NLGN1: variants seen among roughly 807,000 people sequenced by gnomAD.
The protein encoded by NLGN1 is neuroligin-1.
In NLGN1, 12 loss-of-function variants were observed where a neutral mutation model predicts 65.5. The observed-to-expected ratio is 0.18, with a 90% CI of 0.12 to 0.30. The LOEUF (loss-of-function observed/expected upper bound fraction) is 0.30. Ranked by LOEUF, NLGN1 falls within the 10% of genes least tolerant of loss-of-function variation. NLGN1 has a pLI of 1.00. For missense variants in NLGN1, 750 were observed against 1,007.1 expected (o/e 0.74, Z 3.46); for synonymous variants, 350 against 359.5 (o/e 0.97, Z 0.30).
rs1450679006 is a variant in NLGN1, at chr3:174,273,660, T to A, written c.647-1655T>A. 2.0e-5 allele frequency among the ~76,000 whole-genome samples: 3 copies of A among 151,786 alleles called. No individual in the cohort carries two copies. The South Asian group carries it at 6.2e-4, about 31-fold the overall frequency. ...GTATGACCAGAAAAATTTGTTTATT[T>A]GAACTGTATTTTTTACAACTTTAGT... On this transcript the variant is annotated intron_variant, in intron 4 of 6. Transcript: ENST00000457714.
intron 4 of NLGN1, among the ~76,000 whole-genome samples, chr3:173,986,475 A>G (rs1210214824): frequency 2.0e-5 from 3 of 152,186 alleles, no homozygotes; most frequent in African/African-American, 7.2e-5. Flanking sequence ...TCTCAAAAAA[A>G]TAGTAAATAA....
chr3:174,231,164 GT>G (rs1216445395), intron 4 of NLGN1, among the ~76,000 whole-genome samples: 1 of 151,696 alleles, frequency 6.6e-6, no homozygotes, highest in Non-Finnish European at 1.5e-5. Flanking sequence ...AATTTTCTCA[GT>G]TATAATTTTT....
chr3:173,686,686 G>A (rs998565680), intron 3 of NLGN1, among the ~76,000 whole-genome samples: 1 of 152,126 alleles, frequency 6.6e-6, no homozygotes, highest in Non-Finnish European at 1.5e-5. Flanking sequence ...TGGGTGCAGT[G>A]GCTCACACCT....
intron 1 of NLGN1, among the ~76,000 whole-genome samples, chr3:173,407,570 A>G (rs1711537262): frequency 6.6e-6 from 1 of 152,236 alleles, no homozygotes; most frequent in Non-Finnish European, 1.5e-5. Context: ...ACTGATAAAA[A>G]AGGGGAGTCA....
At chr3:173,769,748 C>A (rs1779311549) in intron 3 of NLGN1, among the ~76,000 whole-genome samples, 1 of 152,174 alleles carries the variant, frequency 6.6e-6, no homozygotes, top group Non-Finnish European at 1.5e-5. Context: ...ATCTACTTAA[C>A]AACTTTCTGA....
intron 3 of NLGN1, among the ~76,000 whole-genome samples, chr3:173,799,277 A>C (rs1405300918): frequency 6.6e-6 from 1 of 151,934 alleles, no homozygotes; most frequent in Non-Finnish European, 1.5e-5. Flanking sequence ...TGTGGAAACA[A>C]AAAAAGAATG....
At chr3:174,116,680 G>A (rs991473392) in intron 4 of NLGN1, among the ~76,000 whole-genome samples, 3 of 151,918 alleles carry the variant, frequency 2.0e-5, no homozygotes, top group Non-Finnish European at 2.9e-5. Flanking sequence ...GATAGCATTT[G>A]GAAACTGTAT....
chr3:174,292,531 A>G, the NLGN1 span, among the ~76,000 whole-genome samples: 1 of 151,386 alleles, frequency 6.6e-6, no homozygotes, highest in African/African-American at 2.4e-5. Context: ...GAAAACATCT[A>G]CCACTTATGG....
chr3:174,198,831 T>C (rs1173422699), intron 4 of NLGN1, among the ~76,000 whole-genome samples: 1 of 148,314 alleles, frequency 6.7e-6, no homozygotes, highest in Non-Finnish European at 1.5e-5. Context: ...TGATCTGGCC[T>C]CATGACTAGA....
chr3:174,150,498 CTA>C (rs1250907695), intron 4 of NLGN1, among the ~76,000 whole-genome samples: 2 of 152,082 alleles, frequency 1.3e-5, no homozygotes, highest in African/African-American at 4.8e-5. Flanking sequence ...CAAATGAATC[CTA>C]TAGAGTAAAA....
chr3:173,726,506 T>C (rs189537444), intron 3 of NLGN1, among the ~76,000 whole-genome samples: 145 of 152,152 alleles, frequency 9.5e-4, no homozygotes, highest in Middle Eastern at 3.4e-3. Flanking sequence ...TAAAGTGTTA[T>C]AAAACATGAC....
At chr3:173,649,299 T>C (rs1317457158) in intron 3 of NLGN1, among the ~76,000 whole-genome samples, 2 of 152,068 alleles carry the variant, frequency 1.3e-5, no homozygotes, top group Non-Finnish European at 2.9e-5. Flanking sequence ...TAGATAAGGA[T>C]ACAATCTTGA....
In NLGN1 at chr3:173,418,031, CTTTCTT is replaced by C. The variant is rs918556935; in HGVS notation, c.-389-16975_-389-16970del. ...GTAGCTCCTTTTATTCATCCATTCTCTTTCTTTTTATTTGTTTATGTGTGTGTGCAT... is the reference window on the plus strand; with the variant it reads ...GTAGCTCCTTTTATTCATCCATTCTCTTTATTTGTTTATGTGTGTGTGCAT... On this transcript the variant is annotated intron_variant, in intron 1 of 6. Transcript: ENST00000457714. 3.3e-4 allele frequency among the ~76,000 whole-genome samples: 50 copies of C among 151,420 alleles called. 1 individual carries two copies. Among genetic ancestry groups the C allele is most frequent in the South Asian group, 4.2e-4 (2 of 4,810 alleles).
intron 4 of NLGN1, among the ~76,000 whole-genome samples, chr3:173,988,222 C>T (rs559426684): frequency 2.2e-4 from 34 of 152,016 alleles, no homozygotes; most frequent in African/African-American, 8.0e-4. Flanking sequence ...ATCTAATAGC[C>T]CTAGTCAGGG....
In NLGN1 at chr3:174,027,422, G is replaced by C. The variant is rs114698557; in HGVS notation, c.646+219590G>C. Among the ~76,000 whole-genome samples the C allele has an allele frequency of 6.4e-3, 978 of 152,182 alleles. 5 individuals carry two copies. The highest frequency in any genetic ancestry group is 0.022 in the African/African-American group (925 of 41,522). On this transcript the variant is annotated intron_variant, in intron 4 of 6. Coordinates refer to ENST00000457714, the Ensembl canonical transcript of NLGN1. ...ACCACTACTTACCACCAAAACAAAA[G>C]ACTAGCAAGTAGGTTCAGGGGAAAG...
rs571388335 is a variant in NLGN1, at chr3:173,961,341, G to A, written c.646+153509G>A. 2.3e-4 allele frequency among the ~76,000 whole-genome samples: 35 copies of A among 152,090 alleles called. 1 individual carries two copies. Among genetic ancestry groups the A allele is most frequent in the Admixed American group, 5.9e-4 (9 of 15,282 alleles). On this transcript the variant is annotated intron_variant, in intron 4 of 6. Coordinates refer to ENST00000457714, the Ensembl canonical transcript of NLGN1. ...AATCAATACCCAGAACATACGCTGA[G>A]GACATCTAGCAGAGCTTGGTTTTGG...
At chr3:174,265,543 C>G (rs199994707) in intron 4 of NLGN1, among the ~76,000 whole-genome samples, 1 of 151,854 alleles carries the variant, frequency 6.6e-6, no homozygotes, top group Non-Finnish European at 1.5e-5. Flanking sequence ...TCGGCTCGCA[C>G]ACGGTGCGCG....
At chr3:174,127,619 A>G in intron 4 of NLGN1, among the ~76,000 whole-genome samples, 1 of 151,482 alleles carries the variant, frequency 6.6e-6, no homozygotes, top group East Asian at 1.9e-4. Context: ...TGCTGTAGAA[A>G]CTCCTCTCCT....
rs531391473 is a variant in NLGN1 at position 173,833,457 on chromosome 3, T to G, written c.646+25625T>G. 2.2e-4 allele frequency among the ~76,000 whole-genome samples: 33 copies of G among 152,044 alleles called. No homozygotes were observed. The South Asian group carries it at 6.7e-3, about 31-fold the overall frequency. On this transcript the variant is annotated intron_variant, in intron 4 of 6. Coordinates refer to ENST00000457714, the Ensembl canonical transcript of NLGN1. ...TTAAATCTGTACTAAAAAAAATTAG[T>G]TTTTTTTGTCCTTTGTCTATGCATG...
Sources: gnomAD v4.1 joint callset for allele counts (sites outside exome capture counted in the v4.1 genomes callset) on GRCh38, gnomAD v4.1.1 for gene constraint, MANE v1.5 for transcripts, NCBI Gene and HGNC (gene_info 2026-07-23, HGNC 2026-07-21) for gene names.